The following PARN variants were observed in gnomAD, a reference collection of about 807,000 sequenced individuals.
The protein encoded by PARN is poly(A)-specific ribonuclease.
Under a neutral mutation model 102.8 loss-of-function variants are expected in PARN, and 71 were observed. The observed-to-expected ratio is 0.69, with a 90% CI of 0.57 to 0.84. The LOEUF is 0.84. Ranked by LOEUF, PARN falls within the 40% of genes least tolerant of loss-of-function variation. The pLI, the probability that PARN is intolerant of heterozygous loss-of-function variation, is 0.00. For synonymous variants in PARN, 261 were observed against 252.9 expected (o/e 1.03, Z -0.30); for missense variants, 782 against 760.9 (o/e 1.03, Z -0.33).
chr16:14,611,456 AC>A (rs1971515349), intron 6 of PARN, among the ~76,000 whole-genome samples: 1 of 152,162 alleles, frequency 6.6e-6, no homozygotes, highest in African/African-American at 2.4e-5. Flanking sequence ...CATGATGACT[AC>A]TCTGAGAGTG....
At chr16:14,471,725 A>G (rs969769680) in intron 22 of PARN, among the ~76,000 whole-genome samples, 3 of 152,158 alleles carry the variant, frequency 2.0e-5, no homozygotes, top group Admixed American at 6.5e-5. Context: ...GACTTACTCT[A>G]AGAACCTCAT....
At chr16:14,478,400 T>C (rs1410701996) in intron 22 of PARN, among the ~76,000 whole-genome samples, 3 of 152,166 alleles carry the variant, frequency 2.0e-5, no homozygotes, top group East Asian at 3.9e-4. Flanking sequence ...TTAATATCCA[T>C]TTGTGATGTT....
intron 21 of PARN, among the ~76,000 whole-genome samples, chr16:14,483,603 C>G (rs569073827): frequency 6.6e-6 from 1 of 152,060 alleles, no homozygotes; most frequent in African/African-American, 2.4e-5. Context: ...AATTTGTACA[C>G]CCACATGTCA....
At chr16:14,512,097 T>C (rs541076891) in intron 21 of PARN, among the ~76,000 whole-genome samples, 2 of 152,330 alleles carry the variant, frequency 1.3e-5, no homozygotes, top group African/African-American at 4.8e-5. Flanking sequence ...TAAAAAGGCA[T>C]TGTGTACAAA....
At chr16:14,604,275 T>C (rs769117967) in intron 10 of PARN, 49 bp from the exon 11 acceptor site, 1 of 1,232,128 alleles carries the variant, frequency 8.1e-7, no homozygotes, top group South Asian at 1.3e-5. Flanking sequence ...TTTCTTTTTT[T>C]TTGAGACAGA....
At chr16:14,508,205 T>C (rs927217758) in intron 21 of PARN, among the ~76,000 whole-genome samples, 7 of 151,968 alleles carry the variant, frequency 4.6e-5, no homozygotes, top group East Asian at 1.9e-4. Flanking sequence ...GATAGATAGA[T>C]AGATACATGG....
At chr16:14,625,504 AAAAAG>A (rs1221344076) in intron 5 of PARN, among the ~76,000 whole-genome samples, 1 of 152,228 alleles carries the variant, frequency 6.6e-6, no homozygotes, top group Non-Finnish European at 1.5e-5. Flanking sequence ...TCTCAAGAAA[AAAAAG>A]AAAAGAAAAT....
intron 21 of PARN, among the ~76,000 whole-genome samples, chr16:14,488,033 T>C (rs1963817739): frequency 6.6e-6 from 1 of 152,168 alleles, no homozygotes; most frequent in Non-Finnish European, 1.5e-5. Flanking sequence ...TGTAAAGCTA[T>C]AGGAATTGAG....
At chr16:14,593,094 C>A (rs922148196) in intron 13 of PARN, among the ~76,000 whole-genome samples, 4 of 152,084 alleles carry the variant, frequency 2.6e-5, no homozygotes, top group African/African-American at 9.7e-5. Flanking sequence ...CAAGATTGCA[C>A]CACTGCACTC....
chr16:14,557,284 G>A (rs55689631), intron 18 of PARN, among the ~76,000 whole-genome samples: 27,170 of 150,184 alleles, frequency 0.18, 2,828 homozygotes, highest in Middle Eastern at 0.3. Context: ...GCAGGGCCAG[G>A]CGCGGTGGCT....
chr16:14,489,188 G>A (rs1963914351), intron 21 of PARN, among the ~76,000 whole-genome samples: 1 of 152,150 alleles, frequency 6.6e-6, no homozygotes, highest in African/African-American at 2.4e-5. Flanking sequence ...GGTACTGGAA[G>A]GGAATCAGGA....
chr16:14,616,782 TATAAAAAATAAAC>T (rs1166163371), intron 6 of PARN, among the ~76,000 whole-genome samples: 1 of 152,022 alleles, frequency 6.6e-6, no homozygotes, highest in Non-Finnish European at 1.5e-5. Context: ...GCAGAGGGGT[TATAAAAAATAAAC>T]ATAAAAAATA....
intron 5 of PARN, among the ~76,000 whole-genome samples, chr16:14,626,513 A>T (rs1409161925): frequency 6.6e-6 from 1 of 152,144 alleles, no homozygotes; most frequent in Non-Finnish European, 1.5e-5. Context: ...AAAATCCCAA[A>T]TGGAGTTACG....
At chr16:14,532,227 G>C (rs1272656396) in intron 21 of PARN, among the ~76,000 whole-genome samples, 3 of 150,786 alleles carry the variant, frequency 2.0e-5, no homozygotes, top group Non-Finnish European at 4.4e-5. Context: ...CTCGCAGAGG[G>C]GGATTTGGCA....
In PARN at chr16:14,609,114, T is replaced by A. The variant is rs1447149499; in HGVS notation, c.564A>T (p.Ile188=). ...KKFIDQVVEK[I]EDLLQSEENK... ...TTTCTTCACTTTGTAATAAATCCTC[T>A]ATTTTCTCTCTGAGGAATAAGAATA... Residue 188 remains isoleucine (I), a synonymous_variant, in exon 8 of 24, where the codon ATA becomes ATT. Transcript: ENST00000437198. 1 of 1,508,608 alleles carries A rather than the reference T, an allele frequency of 6.6e-7. No homozygotes were observed. The allele number at this position is 1,508,608 out of a possible 1,614,324, so 93.5% of individuals were successfully genotyped here.
intron 13 of PARN, among the ~76,000 whole-genome samples, chr16:14,587,352 T>A (rs933451835): frequency 6.6e-6 from 1 of 152,196 alleles, no homozygotes; most frequent in Non-Finnish European, 1.5e-5. Flanking sequence ...GGCCAACATA[T>A]AGCACAGTTC....
At chr16:14,603,523 G>T (rs570264727) in intron 11 of PARN, among the ~76,000 whole-genome samples, 4 of 152,112 alleles carry the variant, frequency 2.6e-5, no homozygotes, top group Non-Finnish European at 5.9e-5. Context: ...TCTGGCATGA[G>T]CATCTTCCTC....
chr16:14,622,137 G>T (rs550385384), intron 5 of PARN, among the ~76,000 whole-genome samples: 1 of 152,218 alleles, frequency 6.6e-6, no homozygotes, highest in Non-Finnish European at 1.5e-5. Context: ...AGGTTACAGT[G>T]AGCCAAGATA....
At chr16:14,595,099 C>T (rs955930654) in intron 12 of PARN, among the ~76,000 whole-genome samples, 3 of 152,170 alleles carry the variant, frequency 2.0e-5, no homozygotes, top group African/African-American at 7.2e-5. Context: ...ACGAATTGCA[C>T]ATAAATCATA....
Sources: allele counts gnomAD v4.1 joint callset (sites outside exome capture counted in the v4.1 genomes callset), GRCh38; gene constraint gnomAD v4.1.1; transcripts MANE v1.5; gene names NCBI Gene and HGNC (gene_info 2026-07-23, HGNC 2026-07-21).